The following SLC8B1 variants were observed in gnomAD, a reference collection of about 807,000 sequenced individuals.
SLC8B1 encodes the protein mitochondrial sodium/calcium exchanger protein.
A neutral mutation model predicts 63.4 loss-of-function variants in SLC8B1; 52 were observed. The observed-to-expected ratio is 0.82, with a 90% CI of 0.66 to 1.03. The LOEUF is 1.03. Ranked by LOEUF, SLC8B1 falls within the 50% of genes least tolerant of loss-of-function variation. SLC8B1 has a pLI of 0.00. For synonymous variants in SLC8B1, 336 were observed against 323.9 expected (o/e 1.04, Z -0.40); for missense variants, 657 against 741.7 (o/e 0.89, Z 1.33).
chr12:113,328,030 AT>A (rs547079638), intron 2 of SLC8B1, among the ~76,000 whole-genome samples: 16,939 of 149,606 alleles, frequency 0.11, 1,108 homozygotes, highest in African/African-American at 0.18. Context: ...TTAATTATTT[AT>A]TTATTTATTT....
chr12:113,316,850 T>C, intron 9 of SLC8B1, 92 bp downstream of exon 9: 1 of 1,519,726 alleles, frequency 6.6e-7, no homozygotes, highest in Non-Finnish European at 9.0e-7. Flanking sequence ...GGAGCCTCAT[T>C]CCTGGAGCCC....
rs1360332647 is a variant in SLC8B1 at position 113,305,092 on chromosome 12, AGGT to A, written c.1493-710_1493-708del. Among the ~76,000 whole-genome samples, 1 of 152,228 alleles carries A rather than the reference AGGT, an allele frequency of 6.6e-6. No homozygotes were observed. The highest frequency in any genetic ancestry group is 1.5e-5 in the Non-Finnish European group (1 of 68,034). On this transcript the variant is annotated intron_variant, in intron 14 of 15. Coordinates refer to ENST00000680972, the MANE Select transcript of SLC8B1 (RefSeq NM_001358345.2). This position sits in a 1 kb window ranked among gnomAD's most constrained non-coding sequence, Gnocchi z 4.3. ...TGCTTGGCGCATGTAAGCACTCAGTAGGTGGGGAAACCGAGGCCAGGAGAGATG... is the reference window on the plus strand; with the variant it reads ...TGCTTGGCGCATGTAAGCACTCAGTAGGGGAAACCGAGGCCAGGAGAGATG...
At chr12:113,307,401 C>T (rs763647276) in intron 13 of SLC8B1, among the ~76,000 whole-genome samples, 1 of 152,114 alleles carries the variant, frequency 6.6e-6, no homozygotes, top group African/African-American at 2.4e-5. Context: ...ACATCAAGCA[C>T]GGCCGGCTGC....
At chr12:113,330,738 G>C (rs1402922914) in intron 2 of SLC8B1, among the ~76,000 whole-genome samples, 2 of 152,150 alleles carry the variant, frequency 1.3e-5, no homozygotes, top group African/African-American at 4.8e-5. Flanking sequence ...TTCACAGGGT[G>C]GACTTGAAGG....
In SLC8B1 at chr12:113,316,641, G is replaced by A. The variant is rs150909186; in HGVS notation, c.878C>T (p.Pro293Leu). The A allele has an allele frequency of 3.4e-4, 547 of 1,613,616 alleles. 1 individual carries two copies. The highest frequency in any genetic ancestry group is 6.5e-4 in the Admixed American group (39 of 60,010). Residue 293 changes from proline (P) to leucine (L), a missense_variant, in exon 10 of 16, where the codon CCG becomes CTG. By Grantham distance (98) the Pro-to-Leu change is moderately conservative. Coordinates refer to ENST00000680972, the MANE Select transcript of SLC8B1 (RefSeq NM_001358345.2). ...CGTGGTCTCCTGGTAGAAGAACAGC[G>A]GCCGGTACTCATCACCTGTGTGCAG... ...NSYDYGDEYR[P>L]LFFYQETTAQ... is the part of the protein sequence containing the mutation.
At chr12:113,332,611 G>A (rs182672406) in intron 2 of SLC8B1, 112 bp downstream of exon 2, 226 of 1,279,310 alleles carry the variant, frequency 1.8e-4, no homozygotes, top group Non-Finnish European at 2.3e-4. Context: ...ATTGTTCCCC[G>A]GTATATCCCA....
At chr12:113,319,232 T>G in intron 7 of SLC8B1, 161 bp from the exon 8 acceptor site, 1 of 604,592 alleles carries the variant, frequency 1.7e-6, no homozygotes, top group Non-Finnish European at 3.0e-6. Flanking sequence ...TCCCCACTCC[T>G]TCCTCCTGCC....
In SLC8B1 at chr12:113,320,890, G is replaced by T. The variant is rs749105999; in HGVS notation, c.380C>A (p.Ser127Ter). 3.7e-6 allele frequency: 6 copies of T among 1,606,420 alleles called. No individual in the cohort carries two copies. Among genetic ancestry groups the T allele is most frequent in the Non-Finnish European group, 5.1e-6 (6 of 1,177,338 alleles). Residue 127 changes from serine to a stop codon, truncating the protein, a stop_gained, in exon 5 of 16, where the codon TCG becomes TAG. Transcript: ENST00000680972. LOFTEE classifies it high-confidence loss of function. The surrounding 1 kb of genome is among the most constrained non-coding windows in gnomAD (Gnocchi z 5.3). ...GAGCTTCAGTGTGGTAGAAATGGCC[G>T]ACAAGTTGGGGCAGAAACTACGGAG... ...TAAKFFCPNL[S>*]AISTTLKLSH... is the part of the protein sequence containing the mutation.
chr12:113,320,355 T>C lies in SLC8B1; in HGVS notation c.670A>G (p.Arg224Gly), dbSNP rs1956904215. 1.9e-6 allele frequency: 3 copies of C among 1,614,010 alleles called. No homozygotes were observed. The highest frequency in any genetic ancestry group is 2.5e-6 in the Non-Finnish European group (3 of 1,180,028). ...FLTFLMLFRGRVTLAWALGYL... is the reference protein window; with the variant it reads ...FLTFLMLFRGGVTLAWALGYL... Reference sequence around the variant, plus strand: ...CCCAGAGCCCATGCCAGGGTGACCCTGCCACGGAAGAGCATGAGGAAGGTC... The same window carrying C: ...CCCAGAGCCCATGCCAGGGTGACCCCGCCACGGAAGAGCATGAGGAAGGTC... Residue 224 changes from arginine to glycine, a missense_variant, in exon 7 of 16, where the codon AGG (arginine) becomes GGG (glycine). Coordinates refer to ENST00000680972, the MANE Select transcript of SLC8B1 (RefSeq NM_001358345.2). This position sits in a 1 kb window ranked among gnomAD's most constrained non-coding sequence, Gnocchi z 5.3.
At chr12:113,309,683 G>A (rs1413037076) in intron 12 of SLC8B1, among the ~76,000 whole-genome samples, 2 of 152,204 alleles carry the variant, frequency 1.3e-5, no homozygotes, top group Non-Finnish European at 2.9e-5. Context: ...TTCAGCCCAG[G>A]AGGTCGAGGC....
At chr12:113,323,583 C>T (rs1956958728) in intron 2 of SLC8B1, among the ~76,000 whole-genome samples, 3 of 152,094 alleles carry the variant, frequency 2.0e-5, no homozygotes, top group Non-Finnish European at 2.9e-5. Flanking sequence ...GTGACATCCA[C>T]CTGTAGTCCC....
chr12:113,321,331 G>C lies in SLC8B1; in HGVS notation c.174C>G (p.Gly58=). 1 of 1,614,112 alleles carries C rather than the reference G, an allele frequency of 6.2e-7. No individual in the cohort carries two copies. The highest frequency in any genetic ancestry group is 8.5e-7 in the Non-Finnish European group (1 of 1,180,024). The change falls in exon 3 of 16, where the codon GGC becomes GGG. Residue 58 remains glycine (G), a synonymous_variant. Transcript: ENST00000680972. ...TPVVDCRKVC[G]LNVSDRCDFI... ...AGTCACAGCGGTCAGAGACATTCAGGCCACACACCTTGCGGCACTGCAGGA... is the reference window on the plus strand; with the variant it reads ...AGTCACAGCGGTCAGAGACATTCAGCCCACACACCTTGCGGCACTGCAGGA...
intron 2 of SLC8B1, among the ~76,000 whole-genome samples, chr12:113,330,671 C>T (rs1201117302): frequency 1.3e-5 from 2 of 152,356 alleles, no homozygotes; most frequent in African/African-American, 4.8e-5. Flanking sequence ...TTTATAACCA[C>T]AGTAACCACA....
chr12:113,304,613 C>T (rs765793695), intron 14 of SLC8B1, among the ~76,000 whole-genome samples: 1 of 151,850 alleles, frequency 6.6e-6, no homozygotes, highest in Non-Finnish European at 1.5e-5. Context: ...GAGTGAGACC[C>T]GTCTCAAAAA....
chr12:113,299,609 A>T lies in SLC8B1; in HGVS notation c.*168T>A. ...CTGTTGGGTGCTGGCAGCAAGAGGT[A>T]CACAGCAGTTCTCCCAGCTCACAGC... On this transcript the variant is annotated 3_prime_UTR_variant, in exon 16 of 16. Coordinates refer to ENST00000680972, the MANE Select transcript of SLC8B1 (RefSeq NM_001358345.2). 1.5e-6 allele frequency: 1 copy of T among 658,292 alleles called. No homozygotes were observed. Among genetic ancestry groups the T allele is most frequent in the Non-Finnish European group, 2.7e-6 (1 of 374,942 alleles). The allele number at this position is 658,292 out of a possible 1,614,324, so 40.8% of individuals were successfully genotyped here.
intron 11 of SLC8B1, among the ~76,000 whole-genome samples, chr12:113,312,901 CT>C (rs936736773): frequency 9.3e-5 from 14 of 149,870 alleles, no homozygotes; most frequent in South Asian, 8.5e-4. Context: ...AGGTGGTTTA[CT>C]TTTTTTTTTC....
intron 15 of SLC8B1, 146 bp from the exon 16 acceptor site, chr12:113,300,120 G>C (rs1029163472): frequency 3.4e-5 from 21 of 617,068 alleles, no homozygotes; most frequent in Non-Finnish European, 5.1e-5. Context: ...CAGCAACAAT[G>C]CAGCCTCAAC....
In SLC8B1 at chr12:113,318,468, ATT is replaced by A. The variant is rs545794472; in HGVS notation, c.802+494_802+495del. Reference sequence around the variant, plus strand: ...GTGTATGTGTTGTATGTGTGCATGTATTTGTGTGCATGTACATGTGTGAGTTG... The same window carrying A: ...GTGTATGTGTTGTATGTGTGCATGTATGTGTGCATGTACATGTGTGAGTTG... On this transcript the variant is annotated intron_variant, in intron 8 of 15. Coordinates refer to ENST00000680972, the MANE Select transcript of SLC8B1 (RefSeq NM_001358345.2). Among the ~76,000 whole-genome samples, 572 of 150,242 alleles carry A rather than the reference ATT, an allele frequency of 3.8e-3. 6 individuals are homozygous for A. The highest frequency in any genetic ancestry group is 0.013 in the African/African-American group (537 of 40,718).
At chr12:113,309,552 G>C (rs912910270) in intron 12 of SLC8B1, among the ~76,000 whole-genome samples, 1 of 152,192 alleles carries the variant, frequency 6.6e-6, no homozygotes, top group Non-Finnish European at 1.5e-5. Flanking sequence ...CCAGGAGTTT[G>C]AGAGTAGTCT....
Sources: gnomAD v4.1 joint callset for allele counts (sites outside exome capture counted in the v4.1 genomes callset) on GRCh38, gnomAD v4.1.1 for gene constraint, Gnocchi (gnomAD v3.1) non-coding constraint, MANE v1.5 for transcripts, NCBI Gene and HGNC (gene_info 2026-07-23, HGNC 2026-07-21) for gene names.